The following BNC2 variants were observed in gnomAD, a reference collection of about 807,000 sequenced individuals.
BNC2 encodes zinc finger protein basonuclin-2.
A neutral mutation model predicts 76.3 loss-of-function variants in BNC2; 20 were observed. That is an observed-to-expected ratio of 0.26 (90% CI 0.18 to 0.38). The LOEUF (loss-of-function observed/expected upper bound fraction) is 0.38, where lower values mean the gene tolerates loss of function less well. Ranked by LOEUF, BNC2 falls within the 10% of genes least tolerant of loss-of-function variation. The pLI, the probability that BNC2 is intolerant of heterozygous loss-of-function variation, is 1.00. For missense variants in BNC2, 1,382 were observed against 1,399.8 expected (o/e 0.99, Z 0.20); for synonymous variants, 582 against 514.8 (o/e 1.13, Z -1.77).
chr9:16,825,382 G>A (rs1392796808), intron 1 of BNC2, among the ~76,000 whole-genome samples: 2 of 152,042 alleles, frequency 1.3e-5, no homozygotes, highest in Non-Finnish European at 2.9e-5. Flanking sequence ...TTCCACAATT[G>A]GGGTGGGGAA....
chr9:16,463,714 G>T lies in BNC2; in HGVS notation c.670-26190C>A, dbSNP rs1315387792. 3.3e-5 allele frequency among the ~76,000 whole-genome samples: 5 copies of T among 151,966 alleles called. No individual in the cohort carries two copies. In the East Asian group the frequency reaches 7.7e-4, roughly 24 times the overall value. ...GACGGTTACATATTAACAATGATAGGAGATTATTTTCTAATTCCTCCTCCA... is the reference window on the plus strand; with the variant it reads ...GACGGTTACATATTAACAATGATAGTAGATTATTTTCTAATTCCTCCTCCA... On this transcript the variant is annotated intron_variant, in intron 5 of 6. Transcript: ENST00000380672.
intron 3 of BNC2, among the ~76,000 whole-genome samples, chr9:16,694,582 AG>A (rs1654374561): frequency 6.6e-6 from 1 of 152,284 alleles, no homozygotes. Flanking sequence ...TAAACAGGGG[AG>A]CCAGGGGAGC....
At chr9:16,747,501 C>A (rs1331574457) in intron 1 of BNC2, among the ~76,000 whole-genome samples, 1 of 152,180 alleles carries the variant, frequency 6.6e-6, no homozygotes, top group Non-Finnish European at 1.5e-5. Context: ...TCATTCTTCA[C>A]AAGTCCTCTG....
At chr9:16,437,620 TA>T in intron 5 of BNC2, 96 bp from the exon 6 acceptor site, 1 of 1,406,300 alleles carries the variant, frequency 7.1e-7, no homozygotes, top group Non-Finnish European at 9.7e-7. Flanking sequence ...TGTGTGCTCA[TA>T]AAACACTGAG....
chr9:16,508,718 T>C (rs933771906), intron 5 of BNC2, among the ~76,000 whole-genome samples: 2 of 152,220 alleles, frequency 1.3e-5, no homozygotes, highest in Non-Finnish European at 2.9e-5. Context: ...ACAAAGTTAA[T>C]TTTTCAACTA....
In BNC2 at chr9:16,738,484, G is replaced by A; in HGVS notation, c.5C>T (p.Ala2Val). ...TGGAGGTGGGGTGGGCCCAAGGTGT[G>A]CCTATTGAGAGATTGGGAAAGGAAA... M[A>V]HLGPTPPPHS... The change falls in exon 2 of 7, where the codon GCA (alanine) becomes GTA (valine). Residue 2 changes from alanine (A) to valine (V), a missense_variant and splice_region_variant. Ala to Val is a moderately conservative substitution (Grantham distance 64). Coordinates refer to ENST00000380672, the MANE Select transcript of BNC2 (RefSeq NM_017637.6). 1.9e-6 allele frequency: 3 copies of A among 1,613,944 alleles called. No individual in the cohort carries two copies. Among genetic ancestry groups the A allele is most frequent in the Non-Finnish European group, 2.5e-6 (3 of 1,179,906 alleles).
At chr9:16,635,742 T>A (rs1480437362) in intron 3 of BNC2, among the ~76,000 whole-genome samples, 1 of 152,224 alleles carries the variant, frequency 6.6e-6, no homozygotes, top group Admixed American at 6.5e-5. Context: ...CGATCTATAA[T>A]AAACTCAACA....
At chr9:16,727,494 A>G (rs975490289) in intron 3 of BNC2, 30 of 326,570 alleles carry the variant, frequency 9.2e-5, no homozygotes, top group Non-Finnish European at 1.7e-4. Context: ...TCTCAACAGA[A>G]AACAAAGAAA....
intron 6 of BNC2, among the ~76,000 whole-genome samples, chr9:16,421,967 C>A (rs754748853): frequency 2.0e-5 from 3 of 152,164 alleles, no homozygotes; most frequent in Admixed American, 1.3e-4. Context: ...TCTGCAGTTA[C>A]CACTTCCTAG....
intron 5 of BNC2, among the ~76,000 whole-genome samples, chr9:16,477,877 T>C (rs940887514): frequency 3.5e-4 from 54 of 152,294 alleles, no homozygotes; most frequent in African/African-American, 1.1e-3. Flanking sequence ...ACAAAGGGGA[T>C]AGTCTCCTCC....
intron 5 of BNC2, among the ~76,000 whole-genome samples, chr9:16,451,194 A>G (rs1821333042): frequency 6.6e-6 from 1 of 152,212 alleles, no homozygotes; most frequent in South Asian, 2.1e-4. Context: ...TGCCACCTCA[A>G]AGAAGGTAAG....
intron 3 of BNC2, among the ~76,000 whole-genome samples, chr9:16,615,014 G>A (rs1820659981): frequency 2.3e-5 from 3 of 129,856 alleles, no homozygotes; most frequent in African/African-American, 9.0e-5. Flanking sequence ...AGCCAAGCAG[G>A]CCAGTTACCT....
At chr9:16,539,838 G>T (rs1396905850) in intron 5 of BNC2, among the ~76,000 whole-genome samples, 2 of 150,306 alleles carry the variant, frequency 1.3e-5, no homozygotes, top group East Asian at 3.9e-4. Flanking sequence ...GGAAGGGAAG[G>T]GAAGGGAAGG....
chr9:16,462,048 C>T (rs559751807), intron 5 of BNC2, among the ~76,000 whole-genome samples: 28 of 152,304 alleles, frequency 1.8e-4, no homozygotes, highest in Admixed American at 1.2e-3. Context: ...AGCCGCCTGC[C>T]TTTCATCACA....
In BNC2 at chr9:16,429,903, G is replaced by A. The variant is rs764386489; in HGVS notation, c.2639+5652C>T. On this transcript the variant is annotated intron_variant, in intron 6 of 6. Coordinates refer to ENST00000380672, the MANE Select transcript of BNC2 (RefSeq NM_017637.6). ...GTCTTGCATCCAGCTGGGCCAGCAG[G>A]AGGTCATTAGGAAGATCCGAGGCTC... 3 of 506,960 alleles carry A rather than the reference G, an allele frequency of 5.9e-6. No homozygotes were observed. The Admixed American group carries it at 6.0e-5, about 10-fold the overall frequency. The allele number at this position is 506,960 out of a possible 1,614,324, so 31.4% of individuals were successfully genotyped here. A position where few individuals can be genotyped will look rare whatever the true frequency, so the allele number is the denominator to read the frequency against.
intron 1 of BNC2, among the ~76,000 whole-genome samples, chr9:16,811,230 C>CCAAAAAAAAAAAAAA (rs565629193): frequency 1.0e-5 from 1 of 97,546 alleles, no homozygotes; most frequent in African/African-American, 3.8e-5. Flanking sequence ...CTCAAAAGAC[C>CCAAAAAAAAAAAAAA]AAAAAAAAAA....
At chr9:16,741,284 T>C (rs113933015) in intron 1 of BNC2, among the ~76,000 whole-genome samples, 7,738 of 151,956 alleles carry the variant, frequency 0.051, 680 homozygotes, top group African/African-American at 0.18. Context: ...AGAAACCCCG[T>C]TTCTACTAAA....
rs140793057 is a variant in BNC2, at chr9:16,418,359, T to A, written c.*630A>T. 1 of 152,910 alleles carries A rather than the reference T, an allele frequency of 6.5e-6. No homozygotes were observed. The highest frequency in any genetic ancestry group is 1.9e-4 in the East Asian group (1 of 5,180). The allele number at this position is 152,910 out of a possible 1,614,324, so 9.5% of individuals were successfully genotyped here. ...TAGAGCTAGCCAGCAAACTATCTTT[T>A]CCTGCATATCTAACAGCTGGATGTA... On this transcript the variant is annotated 3_prime_UTR_variant, in exon 7 of 7. Transcript: ENST00000380672.
chr9:16,503,768 T>C (rs1178028195), intron 5 of BNC2, among the ~76,000 whole-genome samples: 1 of 152,194 alleles, frequency 6.6e-6, no homozygotes, highest in East Asian at 1.9e-4. Flanking sequence ...TATATGGATA[T>C]ACAAACTACA....
Sources: allele counts gnomAD v4.1 joint callset (sites outside exome capture counted in the v4.1 genomes callset), GRCh38; gene constraint gnomAD v4.1.1; transcripts MANE v1.5; gene names NCBI Gene and HGNC (gene_info 2026-07-23, HGNC 2026-07-21).